PALLD: variants seen among roughly 807,000 people sequenced by gnomAD.
The protein encoded by PALLD is palladin, cytoskeletal associated protein.
A neutral mutation model predicts 123.5 loss-of-function variants in PALLD; 61 were observed. The observed-to-expected ratio is 0.49, with a 90% CI of 0.40 to 0.61. The LOEUF is 0.61. Among genes scored for constraint, PALLD ranks in the 20% least tolerant of loss-of-function variants. The probability of loss-of-function intolerance (pLI) is 0.00; values close to 1 mark genes in which losing one functional copy is unlikely to be tolerated. For missense variants in PALLD, 1,273 were observed against 1,377.0 expected (o/e 0.92, Z 1.20); for synonymous variants, 465 against 496.4 (o/e 0.94, Z 0.84).
intron 10 of PALLD, among the ~76,000 whole-genome samples, chr4:168,818,515 A>G (rs1315713600): frequency 1.3e-5 from 2 of 152,158 alleles, no homozygotes; most frequent in Admixed American, 6.5e-5. Context: ...TGGGCCCAGG[A>G]GGTCAAGACT....
Position 168,738,726 on chromosome 4 carries a change from C to T in PALLD, c.1964+26803C>T, listed in dbSNP as rs147526604. ...GGTTACAGGCGTGAGCCACCGCGCC[C>T]GGCCAGTCCTTCTTAAACTCTTATT... is the stretch of plus-strand genomic sequence containing the variant. On this transcript the variant is annotated intron_variant, in intron 10 of 21. Coordinates refer to ENST00000505667, the MANE Select transcript of PALLD (RefSeq NM_001166108.2). Among the ~76,000 whole-genome samples, 448 of 150,816 alleles carry T rather than the reference C, an allele frequency of 3.0e-3. 6 individuals carry two copies. Among genetic ancestry groups the T allele is most frequent in the African/African-American group, 0.011 (430 of 40,872 alleles).
At chr4:168,901,545 CTTCT>C (rs1756514661) in intron 14 of PALLD, among the ~76,000 whole-genome samples, 1 of 152,166 alleles carries the variant, frequency 6.6e-6, no homozygotes, top group African/African-American at 2.4e-5. Context: ...CTTATTACAG[CTTCT>C]TTTTTCCATC....
chr4:168,723,022 A>T (rs1318328764), intron 10 of PALLD, among the ~76,000 whole-genome samples: 2 of 152,184 alleles, frequency 1.3e-5, no homozygotes, highest in East Asian at 1.9e-4. Flanking sequence ...AAGTTTAAAA[A>T]ACTTAAACTC....
At chr4:168,528,809 C>G (rs1027253434) in intron 2 of PALLD, among the ~76,000 whole-genome samples, 1 of 152,180 alleles carries the variant, frequency 6.6e-6, no homozygotes, top group African/African-American at 2.4e-5. Context: ...CTCTCACTTA[C>G]TAGTCTATTT....
chr4:168,894,334 T>C (rs1018498268), intron 11 of PALLD: 1 of 517,516 alleles, frequency 1.9e-6, no homozygotes, highest in Non-Finnish European at 3.5e-6. Context: ...TTGTCGCTTA[T>C]TGCTCACTTT....
rs191969361 is a variant in PALLD at position 168,635,869 on chromosome 4, G to T, written c.909-32321G>T. ...ACCAAATTAGTGTGGCACCTGATGA[G>T]AAAATCTTATAGAATTGGAAAAATG... On this transcript the variant is annotated intron_variant, in intron 2 of 21. Coordinates refer to ENST00000505667, the MANE Select transcript of PALLD (RefSeq NM_001166108.2). 2.0e-4 allele frequency among the ~76,000 whole-genome samples: 31 copies of T among 152,304 alleles called. No homozygotes were observed. The East Asian group carries it at 6.0e-3, about 29-fold the overall frequency.
intron 2 of PALLD, among the ~76,000 whole-genome samples, chr4:168,551,766 T>C (rs980033494): frequency 6.6e-6 from 1 of 151,770 alleles, no homozygotes; most frequent in Admixed American, 6.6e-5. Flanking sequence ...GGCTTGGAGG[T>C]AGCAAACCAA....
In PALLD at chr4:168,685,470, T is replaced by C; in HGVS notation, c.1261-15T>C. On this transcript the variant is annotated splice_polypyrimidine_tract_variant and intron_variant, in intron 5 of 21. Transcript: ENST00000505667. ...ATATATTTAGAATTTGATCCATATGTCTCTGCTTTTGCAGGTTCACAGTCC... is the reference window on the plus strand; with the variant it reads ...ATATATTTAGAATTTGATCCATATGCCTCTGCTTTTGCAGGTTCACAGTCC... The C allele has an allele frequency of 6.4e-7, 1 of 1,564,300 alleles. No homozygotes were observed. Among genetic ancestry groups the C allele is most frequent in the Non-Finnish European group, 8.8e-7 (1 of 1,134,810 alleles).
intron 10 of PALLD, among the ~76,000 whole-genome samples, chr4:168,870,145 C>A (rs562243443): frequency 2.0e-5 from 3 of 152,270 alleles, no homozygotes; most frequent in Non-Finnish European, 2.9e-5. Flanking sequence ...AGAGTAGTGG[C>A]AGAAAGAGGG....
intron 10 of PALLD, among the ~76,000 whole-genome samples, chr4:168,779,189 A>G (rs1735565114): frequency 1.3e-5 from 2 of 152,212 alleles, no homozygotes; most frequent in East Asian, 3.8e-4. Flanking sequence ...GGAGGCATAC[A>G]TTTGTTAATG....
chr4:168,897,867 T>C (rs1396790469), intron 13 of PALLD: 1 of 151,976 alleles, frequency 6.6e-6, no homozygotes, highest in Non-Finnish European at 1.5e-5. Flanking sequence ...TCAGTCCTAT[T>C]TTTTCTTCTA....
At chr4:168,676,587 A>C (rs1270132321) in intron 3 of PALLD, among the ~76,000 whole-genome samples, 1 of 150,018 alleles carries the variant, frequency 6.7e-6, no homozygotes, top group Non-Finnish European at 1.5e-5. Context: ...TTTAAAAAAA[A>C]ATTTTTTTTT....
chr4:168,528,288 C>T (rs953213820), intron 2 of PALLD, among the ~76,000 whole-genome samples: 13 of 152,234 alleles, frequency 8.5e-5, no homozygotes, highest in African/African-American at 3.1e-4. Context: ...TTCAAAATTA[C>T]TTTTCCAGCT....
At chr4:168,638,255 T>C (rs1776544594) in intron 2 of PALLD, among the ~76,000 whole-genome samples, 1 of 152,198 alleles carries the variant, frequency 6.6e-6, no homozygotes, top group African/African-American at 2.4e-5. Context: ...AAGATAAGCA[T>C]CTTGCCCAAG....
intron 2 of PALLD, among the ~76,000 whole-genome samples, chr4:168,625,502 G>GATAT (rs756984622): frequency 7.0e-5 from 8 of 114,428 alleles, no homozygotes; most frequent in African/African-American, 2.7e-4. Context: ...ATATCCAGGA[G>GATAT]ATATATATAT....
At position 168,915,977 on chromosome 4, in the gene PALLD, C is replaced by G; in HGVS notation, c.2800C>G (p.Pro934Ala). The change falls in exon 17 of 22, where the codon CCT becomes GCT. Residue 934 changes from proline to alanine, a missense_variant. This residue lies in a region of PALLD where 329 missense variants were observed against 422.5 expected (regional missense o/e 0.78). Coordinates refer to ENST00000505667, the MANE Select transcript of PALLD (RefSeq NM_001166108.2). Reference protein sequence around the residue: ...RFFRPHFLQAPGDLTVQEGKL... With the variant: ...RFFRPHFLQAAGDLTVQEGKL... ...CTTCAGACCTCACTTCTTGCAGGCTCCTGGAGATCTGACTGTTCAAGAAGG... is the reference window on the plus strand; with the variant it reads ...CTTCAGACCTCACTTCTTGCAGGCTGCTGGAGATCTGACTGTTCAAGAAGG... 6.2e-7 allele frequency: 1 copy of G among 1,613,772 alleles called. No homozygotes were observed. The highest frequency in any genetic ancestry group is 8.5e-7 in the Non-Finnish European group (1 of 1,179,656).
chr4:168,557,407 A>G (rs1036726608), intron 2 of PALLD, among the ~76,000 whole-genome samples: 1 of 152,182 alleles, frequency 6.6e-6, no homozygotes, highest in Non-Finnish European at 1.5e-5. Context: ...ATATTCCAAC[A>G]AATCTTAGAC....
At chr4:168,552,779 G>T (rs558638434) in intron 2 of PALLD, among the ~76,000 whole-genome samples, 74 of 152,092 alleles carry the variant, frequency 4.9e-4, no homozygotes, top group African/African-American at 1.6e-3. Flanking sequence ...GGGCTCATGC[G>T]ATTGTCCTGC....
intron 10 of PALLD, among the ~76,000 whole-genome samples, chr4:168,745,432 G>T (rs1011879365): frequency 7.2e-6 from 1 of 138,314 alleles, no homozygotes; most frequent in Admixed American, 7.2e-5. Flanking sequence ...ATGGGAGGGG[G>T]GGGCAAATAA....
Sources: allele counts gnomAD v4.1 joint callset (sites outside exome capture counted in the v4.1 genomes callset), GRCh38; gene constraint gnomAD v4.1.1; regional missense constraint gnomAD v4.1.1; transcripts MANE v1.5; gene names NCBI Gene and HGNC (gene_info 2026-07-23, HGNC 2026-07-21).